Variants in NUDCD3 observed in about 807,000 individuals in gnomAD.
NUDCD3 encodes nudC domain-containing protein 3.
A neutral mutation model predicts 39.7 loss-of-function variants in NUDCD3; 13 were observed. The observed-to-expected ratio is 0.33, with a 90% CI of 0.21 to 0.52. The LOEUF (loss-of-function observed/expected upper bound fraction) is 0.52, where lower values mean the gene tolerates loss of function less well. Among genes scored for constraint, NUDCD3 ranks in the 20% least tolerant of loss-of-function variants. The pLI is 0.96. For missense variants in NUDCD3, 453 were observed against 458.1 expected (o/e 0.99, Z 0.10); for synonymous variants, 175 against 172.4 (o/e 1.02, Z -0.12).
At chr7:44,438,666 A>G (rs555925018) in intron 2 of NUDCD3, among the ~76,000 whole-genome samples, 1 of 151,886 alleles carries the variant, frequency 6.6e-6, no homozygotes, top group African/African-American at 2.4e-5. Context: ...TGCTAAGAGA[A>G]GGGGACTGTA....
intron 3 of NUDCD3, among the ~76,000 whole-genome samples, chr7:44,409,909 G>C (rs1364477049): frequency 1.3e-5 from 2 of 152,090 alleles, no homozygotes; most frequent in Non-Finnish European, 2.9e-5. Context: ...AAGCGTTCAT[G>C]AAAGGGGCTC....
intron 2 of NUDCD3, among the ~76,000 whole-genome samples, chr7:44,442,423 T>C (rs1464628209): frequency 6.6e-6 from 1 of 152,140 alleles, no homozygotes; most frequent in Non-Finnish European, 1.5e-5. Context: ...GGCACCAGCA[T>C]GGAGACTGCA....
chr7:44,452,922 C>G (rs1799820827), intron 2 of NUDCD3, among the ~76,000 whole-genome samples: 1 of 152,182 alleles, frequency 6.6e-6, no homozygotes, highest in Non-Finnish European at 1.5e-5. Context: ...CTTTGCTGTT[C>G]TGGGCAATTC....
chr7:44,391,664 G>A (rs1275175635), intron 5 of NUDCD3, among the ~76,000 whole-genome samples: 1 of 152,216 alleles, frequency 6.6e-6, no homozygotes, highest in African/African-American at 2.4e-5. Context: ...GACACGGGAA[G>A]TTAAAAATAA....
chr7:44,442,227 T>C (rs1799599490), intron 2 of NUDCD3, among the ~76,000 whole-genome samples: 1 of 152,218 alleles, frequency 6.6e-6, no homozygotes. Context: ...GCTATCTTAC[T>C]AGCCAAGATC....
intron 2 of NUDCD3, among the ~76,000 whole-genome samples, chr7:44,449,298 T>C (rs1287858977): frequency 2.6e-5 from 4 of 152,184 alleles, no homozygotes; most frequent in Non-Finnish European, 5.9e-5. Context: ...AAAGGGACAG[T>C]TGATGGCATC....
At chr7:44,429,062 G>C (rs964610495) in intron 2 of NUDCD3, among the ~76,000 whole-genome samples, 5 of 152,146 alleles carry the variant, frequency 3.3e-5, no homozygotes, top group Admixed American at 3.3e-4. Flanking sequence ...GGTTCAAGAG[G>C]GCAGGCTTTC....
Position 44,484,990 on chromosome 7 carries a change from T to C in NUDCD3, c.487A>G (p.Arg163Gly), listed in dbSNP as rs1221451223. 6.2e-7 allele frequency: 1 copy of C among 1,612,778 alleles called. No individual in the cohort carries two copies. The highest frequency in any genetic ancestry group is 2.2e-5 in the East Asian group (1 of 44,864). The change falls in exon 2 of 6, where the codon AGG (arginine) becomes GGG (glycine). Residue 163 changes from arginine (R) to glycine (G), a missense_variant. Coordinates refer to ENST00000355451, the MANE Select transcript of NUDCD3 (RefSeq NM_015332.4). ...CACCTGGGAAGAATTGGTGGTTCCC[T>C]AGGGACTTCAGCAGCACCAGCAACT... ...GAVAGAAEVP[R>G]EPPILPRIQE... is the part of the protein sequence containing the mutation.
At chr7:44,450,240 C>T (rs901987784) in intron 2 of NUDCD3, among the ~76,000 whole-genome samples, 1 of 150,948 alleles carries the variant, frequency 6.6e-6, no homozygotes, top group Admixed American at 6.6e-5. Flanking sequence ...TGCAGTGATG[C>T]GATCTCAGCT....
rs1798856300 is a variant in NUDCD3 at position 44,407,770 on chromosome 7, C to T, written c.643-3187G>A. On this transcript the variant is annotated intron_variant, in intron 3 of 5. Coordinates refer to ENST00000355451, the MANE Select transcript of NUDCD3 (RefSeq NM_015332.4). ...AAAATATGAAAATAGAACAATTAGG[C>T]CAAAAAGAAAGAACACAAGAATTTA... Among the ~76,000 whole-genome samples the T allele has an allele frequency of 1.3e-5, 2 of 150,844 alleles. 1 individual carries two copies. The highest frequency in any genetic ancestry group is 1.3e-4 in the Admixed American group (2 of 15,152).
chr7:44,467,383 G>C (rs1308916141), intron 2 of NUDCD3, among the ~76,000 whole-genome samples: 1 of 152,196 alleles, frequency 6.6e-6, no homozygotes. Context: ...TGGCCAGAAA[G>C]AAGCCATCCT....
Position 44,380,752 on chromosome 7 carries a change from C to G in NUDCD3, c.*5259G>C, listed in dbSNP as rs566527090. ...CCTTGATCCCCAGTTATCTGGATCC[C>G]CAGTTCCCTGAACCAGAGCAGCTTC... On this transcript the variant is annotated 3_prime_UTR_variant, in exon 6 of 6. Coordinates refer to ENST00000355451, the MANE Select transcript of NUDCD3 (RefSeq NM_015332.4). 6.6e-6 allele frequency: 1 copy of G among 152,376 alleles called. No individual in the cohort carries two copies. Among genetic ancestry groups the G allele is most frequent in the East Asian group, 1.9e-4 (1 of 5,176 alleles). 9.4% of individuals were successfully genotyped at this position (152,376 alleles called of 1,614,324 possible).
chr7:44,475,064 G>A (rs932768195), intron 2 of NUDCD3, among the ~76,000 whole-genome samples: 1 of 151,618 alleles, frequency 6.6e-6, no homozygotes, highest in Admixed American at 6.6e-5. Flanking sequence ...AAGGACAAGA[G>A]CCACTTCAGG....
intron 2 of NUDCD3, among the ~76,000 whole-genome samples, chr7:44,441,618 C>A (rs541752260): frequency 2.6e-4 from 39 of 152,332 alleles, no homozygotes; most frequent in African/African-American, 9.1e-4. Flanking sequence ...GGACTACCCA[C>A]ACTTGGATCC....
chr7:44,482,566 C>A (rs1298576029), intron 2 of NUDCD3, among the ~76,000 whole-genome samples: 1 of 152,036 alleles, frequency 6.6e-6, no homozygotes, highest in African/African-American at 2.4e-5. Context: ...ATCAATTGAT[C>A]AATCAATACA....
chr7:44,470,195 C>T (rs1410847641), intron 2 of NUDCD3, among the ~76,000 whole-genome samples: 1 of 152,114 alleles, frequency 6.6e-6, no homozygotes, highest in African/African-American at 2.4e-5. Flanking sequence ...AATAAACAGA[C>T]ATTAACAGTT....
rs938640330 is a variant in NUDCD3, at chr7:44,477,822, C to CT, written c.509+7145dup. Among the ~76,000 whole-genome samples the CT allele has an allele frequency of 9.0e-3, 845 of 94,126 alleles. 20 individuals carry two copies. The highest frequency in any genetic ancestry group is 0.019 in the East Asian group (65 of 3,370). The allele number at this position is 94,126 out of a possible 152,430, so 61.8% of individuals were successfully genotyped here. A position where few individuals can be genotyped will look rare whatever the true frequency, so the allele number is the denominator to read the frequency against. ...TACAAAGTCTTTACTATGAACAATT[C>CT]TTTTTTTTTTTTTTTTTTTTTTTTT... On this transcript the variant is annotated intron_variant, in intron 2 of 5. Transcript: ENST00000355451.
At chr7:44,460,049 G>A (rs1799977256) in intron 2 of NUDCD3, among the ~76,000 whole-genome samples, 1 of 152,162 alleles carries the variant, frequency 6.6e-6, no homozygotes, top group Non-Finnish European at 1.5e-5. Context: ...GGTATATTTA[G>A]CCTACAACAT....
At chr7:44,458,221 C>T (rs1323813841) in intron 2 of NUDCD3, among the ~76,000 whole-genome samples, 1 of 152,210 alleles carries the variant, frequency 6.6e-6, no homozygotes, top group African/African-American at 2.4e-5. Context: ...ACAAAGGCCA[C>T]ATAATGTATT....
Sources: gnomAD v4.1 joint callset for allele counts (sites outside exome capture counted in the v4.1 genomes callset) on GRCh38, gnomAD v4.1.1 for gene constraint, MANE v1.5 for transcripts, NCBI Gene and HGNC (gene_info 2026-07-23, HGNC 2026-07-21) for gene names.